The following ACYP2 variants were observed in gnomAD, a reference collection of about 807,000 sequenced individuals.
The protein encoded by ACYP2 is acylphosphatase 2.
Under a neutral mutation model 11.2 loss-of-function variants are expected in ACYP2, and 12 were observed. That is an observed-to-expected ratio of 1.08 (90% CI 0.69 to 1.74). The LOEUF (loss-of-function observed/expected upper bound fraction) is 1.74, where lower values mean the gene tolerates loss of function less well. ACYP2 is among the 40% of genes most tolerant of loss of function. The probability of loss-of-function intolerance (pLI) is 0.00; values close to 1 mark genes in which losing one functional copy is unlikely to be tolerated. For synonymous variants in ACYP2, 43 were observed against 32.2 expected (o/e 1.33, Z -1.13); for missense variants, 134 against 101.9 (o/e 1.31, Z -1.35).
intron 6 of ACYP2, among the ~76,000 whole-genome samples, chr2:54,199,465 A>G (rs1459387353): frequency 6.6e-6 from 1 of 152,216 alleles, no homozygotes; most frequent in Non-Finnish European, 1.5e-5. Flanking sequence ...GCCCTGAACC[A>G]CTGCACAGGC....
intron 4 of ACYP2, among the ~76,000 whole-genome samples, chr2:54,127,760 A>C (rs1051889432): frequency 2.2e-4 from 33 of 151,912 alleles, no homozygotes; most frequent in Non-Finnish European, 4.6e-4. Context: ...CAAAAAAAAA[A>C]AAAAAAAAAA....
chr2:54,029,568 G>A, intron 2 of ACYP2: 1 of 397,984 alleles, frequency 2.5e-6, no homozygotes, highest in South Asian at 2.1e-5. Flanking sequence ...GGGTGGAGCT[G>A]ACTGGTGCTT....
chr2:54,123,510 A>G (rs1374398858), intron 4 of ACYP2: 7 of 398,142 alleles, frequency 1.8e-5, no homozygotes, highest in African/African-American at 1.2e-4. Flanking sequence ...CTAAATATAC[A>G]GTAGTTTTTA....
chr2:54,276,528 T>C (rs1688580125), intron 6 of ACYP2, among the ~76,000 whole-genome samples: 1 of 152,034 alleles, frequency 6.6e-6, no homozygotes. Context: ...CTAGAGACAT[T>C]GTCAATAAAA....
chr2:54,299,568 G>A (rs1277106394), intron 6 of ACYP2, among the ~76,000 whole-genome samples: 1 of 150,070 alleles, frequency 6.7e-6, no homozygotes, highest in African/African-American at 2.5e-5. Context: ...CTCCAGCCTG[G>A]GCGACAGAGC....
intron 2 of ACYP2, among the ~76,000 whole-genome samples, chr2:53,985,070 C>CTTTTTTTTTTTTT (rs1178409999): frequency 7.4e-6 from 1 of 134,998 alleles, no homozygotes. Context: ...TTTTTTCTTT[C>CTTTTTTTTTTTTT]TTTTTTTTTT....
At chr2:54,083,983 T>A (rs1019337156) in intron 4 of ACYP2, among the ~76,000 whole-genome samples, 1 of 152,186 alleles carries the variant, frequency 6.6e-6, no homozygotes, top group Non-Finnish European at 1.5e-5. Flanking sequence ...CACACCAAAT[T>A]ATAAATTTTG....
At chr2:54,254,624 A>C (rs767321698) in intron 6 of ACYP2, 10 of 306,596 alleles carry the variant, frequency 3.3e-5, no homozygotes, top group Admixed American at 1.8e-4. Context: ...AACCGAGTCC[A>C]AACAAAGGTA....
intron 6 of ACYP2, among the ~76,000 whole-genome samples, chr2:54,263,923 G>C (rs966081537): frequency 2.5e-4 from 38 of 152,184 alleles, no homozygotes; most frequent in African/African-American, 8.0e-4. Flanking sequence ...AGTGAGCACA[G>C]GAAGAGCAGT....
chr2:54,216,016 G>C (rs1425687487), intron 6 of ACYP2, among the ~76,000 whole-genome samples: 1 of 152,086 alleles, frequency 6.6e-6, no homozygotes, highest in African/African-American at 2.4e-5. Context: ...AAATTATTCA[G>C]CTCTGTTTTC....
intron 6 of ACYP2, among the ~76,000 whole-genome samples, chr2:54,282,147 T>C (rs1355163699): frequency 1.3e-5 from 2 of 152,192 alleles, no homozygotes; most frequent in Non-Finnish European, 2.9e-5. Flanking sequence ...ACATCTCAAA[T>C]AGTAAATTAA....
intron 2 of ACYP2, among the ~76,000 whole-genome samples, chr2:54,048,375 G>A (rs576094418): frequency 1.3e-5 from 2 of 152,244 alleles, no homozygotes; most frequent in African/African-American, 4.8e-5. Context: ...GCAGTGAGTG[G>A]TGATTGTGCC....
rs564912479 is a variant in ACYP2, at chr2:54,276,776, G to T, written c.405-27912G>T. On this transcript the variant is annotated intron_variant, in intron 6 of 6. Coordinates refer to ENST00000607452, the MANE Select transcript of ACYP2 (RefSeq NM_001320586.2). ...AGAAATTTGAAAATAATTAAAAAAGGAAAGAATGAAAGCCATTCTTATTTC... is the reference window on the plus strand; with the variant it reads ...AGAAATTTGAAAATAATTAAAAAAGTAAAGAATGAAAGCCATTCTTATTTC... 1.1e-4 allele frequency among the ~76,000 whole-genome samples: 17 copies of T among 152,018 alleles called. No homozygotes were observed. In the East Asian group the frequency reaches 3.1e-3, roughly 28 times the overall value.
intron 4 of ACYP2, among the ~76,000 whole-genome samples, chr2:54,062,900 A>T (rs1310281183): frequency 6.6e-6 from 1 of 152,230 alleles, no homozygotes; most frequent in Non-Finnish European, 1.5e-5. Context: ...GGAAGTAGAC[A>T]GACATGACTT....
chr2:54,296,540 C>T (rs1209318190), intron 6 of ACYP2, among the ~76,000 whole-genome samples: 1 of 151,948 alleles, frequency 6.6e-6, no homozygotes, highest in Non-Finnish European at 1.5e-5. Flanking sequence ...AGTAATATAC[C>T]CAAGATCATT....
intron 6 of ACYP2, among the ~76,000 whole-genome samples, chr2:54,174,998 G>A (rs1380139998): frequency 6.6e-6 from 1 of 152,062 alleles, no homozygotes; most frequent in Non-Finnish European, 1.5e-5. Flanking sequence ...CTCTTTTTTT[G>A]TTGTGTCTCT....
chr2:54,294,546 A>G (rs1689441947), intron 6 of ACYP2, among the ~76,000 whole-genome samples: 1 of 152,108 alleles, frequency 6.6e-6, no homozygotes, highest in African/African-American at 2.4e-5. Context: ...GCTTCAGAGA[A>G]AAACTTCACT....
chr2:54,102,816 C>T (rs190657203), intron 4 of ACYP2, among the ~76,000 whole-genome samples: 15 of 152,302 alleles, frequency 9.8e-5, no homozygotes, highest in African/African-American at 3.4e-4. Flanking sequence ...GGCAGGCTTT[C>T]TCTCTTGCCT....
intron 4 of ACYP2, among the ~76,000 whole-genome samples, chr2:54,127,565 A>G (rs997221534): frequency 7.9e-5 from 12 of 152,114 alleles, no homozygotes; most frequent in Non-Finnish European, 1.3e-4. Flanking sequence ...CCCCATCTCT[A>G]CTAAAAACAC....
Sources: gnomAD v4.1 joint callset for allele counts (sites outside exome capture counted in the v4.1 genomes callset) on GRCh38, gnomAD v4.1.1 for gene constraint, MANE v1.5 for transcripts, NCBI Gene and HGNC (gene_info 2026-07-23, HGNC 2026-07-21) for gene names.